The following NEURL1 variants were observed in gnomAD, a reference collection of about 807,000 sequenced individuals.
NEURL1 encodes the protein E3 ubiquitin-protein ligase NEURL1.
In NEURL1, 26 loss-of-function variants were observed where a neutral mutation model predicts 41.2. The observed-to-expected ratio is 0.63, with a 90% CI of 0.46 to 0.87. The LOEUF (loss-of-function observed/expected upper bound fraction) is 0.87, where lower values mean the gene tolerates loss of function less well. Among genes scored for constraint, NEURL1 ranks in the 40% least tolerant of loss-of-function variants. The probability of loss-of-function intolerance (pLI) is 0.00; values close to 1 mark genes in which losing one functional copy is unlikely to be tolerated. For missense variants in NEURL1, 761 were observed against 871.1 expected, an observed-to-expected ratio of 0.87 and a Z score of 1.59; for synonymous variants, 400 against 402.3, an observed-to-expected ratio of 0.99 and a Z score of 0.07.
chr10:103,536,791 A>G (rs923953028), intron 1 of NEURL1, among the ~76,000 whole-genome samples: 2 of 152,220 alleles, frequency 1.3e-5, no homozygotes, highest in Admixed American at 1.3e-4. Context: ...ATTTAATTTA[A>G]CCATCTTAAC....
rs970039143 is a variant in NEURL1, at chr10:103,589,379, C to T, written c.1340-135C>T. Reference sequence around the variant, plus strand: ...TAATATCAAATGATCCCCGCGCCAGCCTGCAAAATCCCGCTCTTGGCCCTG... The same window carrying T: ...TAATATCAAATGATCCCCGCGCCAGTCTGCAAAATCCCGCTCTTGGCCCTG... On this transcript the variant is annotated intron_variant, in intron 4 of 5. Coordinates refer to ENST00000369780, the MANE Select transcript of NEURL1 (RefSeq NM_004210.5). The T allele has an allele frequency of 4.2e-6, 4 of 945,296 alleles. No homozygotes were observed. In the Admixed American group the frequency reaches 8.0e-5, roughly 19 times the overall value. 58.6% of individuals were successfully genotyped at this position (945,296 alleles called of 1,614,324 possible).
intron 1 of NEURL1, among the ~76,000 whole-genome samples, chr10:103,501,809 T>C (rs1259020710): frequency 1.3e-5 from 2 of 151,266 alleles, no homozygotes; most frequent in African/African-American, 2.4e-5. Flanking sequence ...AATTTTTGTA[T>C]TGTTAGTAGA....
intron 1 of NEURL1, chr10:103,549,179 G>C (rs2034984435): frequency 6.6e-6 from 1 of 152,650 alleles, no homozygotes; most frequent in Non-Finnish European, 1.5e-5. Flanking sequence ...GAGAGGCCGA[G>C]AAAGGGCTGC....
At chr10:103,555,954 C>T (rs950138064) in intron 1 of NEURL1, among the ~76,000 whole-genome samples, 1 of 152,160 alleles carries the variant, frequency 6.6e-6, no homozygotes, top group African/African-American at 2.4e-5. Context: ...TGTCTGTGCT[C>T]GTGAGTAGGC....
chr10:103,584,681 C>G lies in NEURL1; in HGVS notation c.795C>G (p.Ala265=). 2.1e-6 allele frequency: 3 copies of G among 1,430,690 alleles called. No homozygotes were observed. Among genetic ancestry groups the G allele is most frequent in the Non-Finnish European group, 2.7e-6 (3 of 1,098,192 alleles). The allele number at this position is 1,430,690 out of a possible 1,614,324, so 88.6% of individuals were successfully genotyped here. A position where few individuals can be genotyped will look rare whatever the true frequency, so the allele number is the denominator to read the frequency against. Residue 265 remains alanine (A), a synonymous_variant, in exon 4 of 6, where the codon GCC becomes GCG. Transcript: ENST00000369780. The part of the protein sequence containing the change: ...LNVPGADGDE[A]APAAGCPIPQ... ...TGCCGGGCGCGGACGGCGACGAGGCCGCGCCGGCCGCCGGCTGCCCCATCC... is the reference window on the plus strand; with the variant it reads ...TGCCGGGCGCGGACGGCGACGAGGCGGCGCCGGCCGCCGGCTGCCCCATCC...
chr10:103,520,064 G>T (rs2034312119), intron 1 of NEURL1, among the ~76,000 whole-genome samples: 1 of 152,130 alleles, frequency 6.6e-6, no homozygotes, highest in African/African-American at 2.4e-5. Context: ...GATAACAGGT[G>T]TAAGCCACTG....
chr10:103,557,628 C>T (rs1199903205), intron 1 of NEURL1, among the ~76,000 whole-genome samples: 1 of 152,182 alleles, frequency 6.6e-6, no homozygotes, highest in African/African-American at 2.4e-5. Flanking sequence ...GGAGTGTTTG[C>T]CTGTGTCCAC....
Position 103,541,719 on chromosome 10 carries a change from A to G in NEURL1, c.86-29153A>G, listed in dbSNP as rs868785351. On this transcript the variant is annotated intron_variant, in intron 1 of 5. Coordinates refer to ENST00000369780, the MANE Select transcript of NEURL1 (RefSeq NM_004210.5). ...GATGACTGGGGTGAGGGACATGAGA[A>G]GGTGACTGCTGTTGTCTCAGGCCTA... Among the ~76,000 whole-genome samples the G allele has an allele frequency of 1.2e-4, 19 of 152,338 alleles. No individual in the cohort carries two copies. In the Middle Eastern group the frequency reaches 0.014, roughly 109 times the overall value.
At chr10:103,527,531 G>A (rs548569530) in intron 1 of NEURL1, among the ~76,000 whole-genome samples, 34 of 152,082 alleles carry the variant, frequency 2.2e-4, no homozygotes, top group South Asian at 1.0e-3. Flanking sequence ...CTGACCTCAG[G>A]TGATCTGCCC....
At chr10:103,522,824 C>T (rs1462471481) in intron 1 of NEURL1, among the ~76,000 whole-genome samples, 1 of 152,090 alleles carries the variant, frequency 6.6e-6, no homozygotes, top group East Asian at 1.9e-4. Context: ...TGTAGGAACC[C>T]TCCTAAGGCA....
rs1232165227 is a variant in NEURL1 at position 103,505,021 on chromosome 10, A to G, written c.85+10549A>G. 2.0e-5 allele frequency among the ~76,000 whole-genome samples: 3 copies of G among 151,444 alleles called. No homozygotes were observed. The East Asian group carries it at 5.9e-4, about 30-fold the overall frequency. On this transcript the variant is annotated intron_variant, in intron 1 of 5. Coordinates refer to ENST00000369780, the MANE Select transcript of NEURL1 (RefSeq NM_004210.5). Reference sequence around the variant, plus strand: ...TGGCCGCTCCAAATGCCAATGTGCCATTAAAAAAATAATAGCTCTCCTGTA... The same window carrying G: ...TGGCCGCTCCAAATGCCAATGTGCCGTTAAAAAAATAATAGCTCTCCTGTA...
chr10:103,572,589 C>T (rs1006091188), intron 3 of NEURL1, among the ~76,000 whole-genome samples: 4 of 152,182 alleles, frequency 2.6e-5, no homozygotes, highest in Admixed American at 1.3e-4. Flanking sequence ...GTACTGGGGC[C>T]GGAAGAGGAC....
At chr10:103,564,508 C>G (rs1264444118) in intron 1 of NEURL1, among the ~76,000 whole-genome samples, 3 of 152,214 alleles carry the variant, frequency 2.0e-5, no homozygotes, top group African/African-American at 7.2e-5. Flanking sequence ...CTGCACACAG[C>G]CTTCCCCGAA....
intron 1 of NEURL1, among the ~76,000 whole-genome samples, chr10:103,504,560 C>T (rs915793035): frequency 3.3e-5 from 5 of 152,170 alleles, no homozygotes; most frequent in African/African-American, 1.2e-4. Context: ...ACCTTGAGCG[C>T]CTGGCTGAGG....
rs981557767 is a variant in NEURL1, at chr10:103,566,295, G to A, written c.86-4577G>A. Among the ~76,000 whole-genome samples, 4 of 152,002 alleles carry A rather than the reference G, an allele frequency of 2.6e-5. No individual in the cohort carries two copies. Among genetic ancestry groups the A allele is most frequent in the Admixed American group, 1.3e-4 (2 of 15,244 alleles). On this transcript the variant is annotated intron_variant, in intron 1 of 5. Coordinates refer to ENST00000369780, the MANE Select transcript of NEURL1 (RefSeq NM_004210.5). This position sits in a 1 kb window ranked among gnomAD's most constrained non-coding sequence, Gnocchi z 4.2. ...TCTGTACAACGAGATGAGGTCTCAC[G>A]GTGTTGTCCAGGCTAAGATATGGAA...
chr10:103,548,249 T>C (rs2034962478), intron 1 of NEURL1, among the ~76,000 whole-genome samples: 1 of 152,252 alleles, frequency 6.6e-6, no homozygotes, highest in Non-Finnish European at 1.5e-5. Flanking sequence ...ATGTGCCTGA[T>C]GCAGAGTAAG....
chr10:103,572,457 T>C (rs1339345591), intron 3 of NEURL1, among the ~76,000 whole-genome samples: 3 of 152,222 alleles, frequency 2.0e-5, no homozygotes, highest in African/African-American at 7.2e-5. Context: ...GCTAAGACTC[T>C]TGGCTGCTCC....
rs567978468 is a variant in NEURL1 at position 103,571,468 on chromosome 10, G to A, written c.328-33G>A. 9.3e-5 allele frequency: 146 copies of A among 1,570,492 alleles called. No individual in the cohort carries two copies. The South Asian group carries it at 1.7e-3, about 18-fold the overall frequency. ...CCTTGGTCTGATTGACCAAGTGGGA[G>A]AGGGTGGGCTGAGGCCACCCCCTGC... On this transcript the variant is annotated intron_variant, in intron 2 of 5. Coordinates refer to ENST00000369780, the MANE Select transcript of NEURL1 (RefSeq NM_004210.5).
chr10:103,533,788 G>C (rs1048833262), intron 1 of NEURL1, among the ~76,000 whole-genome samples: 13 of 152,110 alleles, frequency 8.5e-5, no homozygotes, highest in Admixed American at 5.2e-4. Context: ...CGCCCGCCTT[G>C]GCCTCCCAAA....
Sources: allele counts gnomAD v4.1 joint callset (sites outside exome capture counted in the v4.1 genomes callset), GRCh38; gene constraint gnomAD v4.1.1; non-coding constraint Gnocchi (gnomAD v3.1); transcripts MANE v1.5; gene names NCBI Gene and HGNC (gene_info 2026-07-23, HGNC 2026-07-21).